Variants in CALN1 observed in about 807,000 individuals in gnomAD.
CALN1 encodes calneuron 1, also known as calcium-binding protein 8.
A neutral mutation model predicts 30.6 loss-of-function variants in CALN1; 17 were observed. The observed-to-expected ratio is 0.56, with a 90% CI of 0.38 to 0.83. The LOEUF (loss-of-function observed/expected upper bound fraction) is 0.83. Among genes scored for constraint, CALN1 ranks in the 40% least tolerant of loss-of-function variants. CALN1 has a pLI of 0.00. For synonymous variants in CALN1, 156 were observed against 131.4 expected (o/e 1.19, Z -1.28); for missense variants, 291 against 354.9 (o/e 0.82, Z 1.45).
chr7:72,119,518 A>AAAGG (rs1002390488), intron 3 of CALN1, among the ~76,000 whole-genome samples: 22 of 89,744 alleles, frequency 2.5e-4, no homozygotes, highest in Non-Finnish European at 4.6e-4. Context: ...AAAAGAAAGG[A>AAAGG]AAAAAAAAAA....
intron 3 of CALN1, among the ~76,000 whole-genome samples, chr7:72,116,771 A>G (rs1010959156): frequency 6.6e-6 from 1 of 152,160 alleles, no homozygotes; most frequent in Admixed American, 6.6e-5. Context: ...CCAGCTATTG[A>G]CCAAAGGAGC....
At position 72,241,428 on chromosome 7, in the gene CALN1, C is replaced by T. The variant is rs989878266; in HGVS notation, c.244+37258G>A. ...TTACTTAAACAAAAAAGGTTCAGAC[C>T]GGGTGCAGGGGCTCACACCTGTAAT... On this transcript the variant is annotated intron_variant, in intron 3 of 6. Transcript: ENST00000395275. Among the ~76,000 whole-genome samples, 7 of 152,046 alleles carry T rather than the reference C, an allele frequency of 4.6e-5. No homozygotes were observed. The South Asian group carries it at 6.2e-4, about 14-fold the overall frequency.
intron 2 of CALN1, among the ~76,000 whole-genome samples, chr7:72,295,283 G>A (rs1029051577): frequency 6.6e-6 from 1 of 151,958 alleles, no homozygotes; most frequent in Non-Finnish European, 1.5e-5. Flanking sequence ...TAATGAAAAT[G>A]GAAACAATAC....
At chr7:72,048,305 CT>C (rs1802611271) in intron 4 of CALN1, among the ~76,000 whole-genome samples, 1 of 152,140 alleles carries the variant, frequency 6.6e-6, no homozygotes. Flanking sequence ...TCCAAAAATG[CT>C]GGGATTACAG....
At chr7:71,880,371 T>C (rs184317846) in intron 5 of CALN1, among the ~76,000 whole-genome samples, 3 of 152,282 alleles carry the variant, frequency 2.0e-5, no homozygotes, top group Admixed American at 2.0e-4. Context: ...TCACTACCTC[T>C]TGCATGAACT....
intron 3 of CALN1, among the ~76,000 whole-genome samples, chr7:72,202,679 GT>G (rs1490369047): frequency 6.6e-6 from 1 of 152,184 alleles, no homozygotes. Flanking sequence ...ACACACTTGT[GT>G]AGTCTGACAT....
chr7:72,193,905 G>A (rs1030141262), intron 3 of CALN1, among the ~76,000 whole-genome samples: 17 of 152,250 alleles, frequency 1.1e-4, no homozygotes, highest in African/African-American at 4.1e-4. Context: ...TGAAAGCTAA[G>A]CTATGAGGAT....
At chr7:72,068,152 G>C (rs566994849) in intron 4 of CALN1, among the ~76,000 whole-genome samples, 18 of 152,150 alleles carry the variant, frequency 1.2e-4, no homozygotes, top group Non-Finnish European at 2.5e-4. Flanking sequence ...GGCAGGGTGA[G>C]GGGAGAGCAA....
At chr7:72,246,752 A>ATT (rs1795190943) in intron 3 of CALN1, among the ~76,000 whole-genome samples, 1 of 66,452 alleles carries the variant, frequency 1.5e-5, no homozygotes, top group African/African-American at 6.2e-5. Context: ...CTACCAGAAC[A>ATT]ATTTTTTTTT....
At chr7:71,829,326 AGCCACCAAAG>A (rs1258661282) in intron 5 of CALN1, among the ~76,000 whole-genome samples, 2 of 152,178 alleles carry the variant, frequency 1.3e-5, no homozygotes, top group Non-Finnish European at 2.9e-5. Flanking sequence ...TGTCACCAAA[AGCCACCAAAG>A]GGCATGGAAA....
intron 5 of CALN1, among the ~76,000 whole-genome samples, chr7:71,905,288 T>C (rs1794070060): frequency 6.6e-6 from 1 of 152,060 alleles, no homozygotes; most frequent in Non-Finnish European, 1.5e-5. Flanking sequence ...GGGGTACAAG[T>C]GGCTTTTTGT....
intron 3 of CALN1, among the ~76,000 whole-genome samples, chr7:72,213,773 G>A (rs1792577855): frequency 6.6e-6 from 1 of 152,186 alleles, no homozygotes; most frequent in Non-Finnish European, 1.5e-5. Context: ...CCAGTGCTGT[G>A]TGCTCCAAAC....
the CALN1 span, among the ~76,000 whole-genome samples, chr7:72,464,142 AAGAG>A: frequency 3.3e-4 from 50 of 152,110 alleles, no homozygotes; most frequent in Admixed American, 1.2e-3. Context: ...GAGAGAAAGA[AAGAG>A]AGAGACATTT....
chr7:72,240,323 T>C (rs1794746042), intron 3 of CALN1, among the ~76,000 whole-genome samples: 1 of 151,880 alleles, frequency 6.6e-6, no homozygotes, highest in African/African-American at 2.4e-5. Context: ...GCCTTCTGAG[T>C]ATCTGGGACT....
At chr7:72,294,868 A>T (rs1029868274) in intron 2 of CALN1, among the ~76,000 whole-genome samples, 1 of 152,136 alleles carries the variant, frequency 6.6e-6, no homozygotes, top group Non-Finnish European at 1.5e-5. Flanking sequence ...AACAAAAAGG[A>T]TATGAAGAAA....
intron 3 of CALN1, among the ~76,000 whole-genome samples, chr7:72,264,514 G>A (rs1002718880): frequency 1.4e-5 from 2 of 145,600 alleles, no homozygotes; most frequent in Non-Finnish European, 3.0e-5. Flanking sequence ...TTTTTTTTGA[G>A]ACAGGGTCTC....
At chr7:71,978,259 A>ATTATATTTT (rs1584662365) in intron 5 of CALN1, among the ~76,000 whole-genome samples, 1 of 115,614 alleles carries the variant, frequency 8.6e-6, no homozygotes, top group Non-Finnish European at 1.7e-5. Context: ...ACTCTAGAGA[A>ATTATATTTT]TTCTTTTTTT....
chr7:72,091,120 G>T (rs1403957623), intron 4 of CALN1, among the ~76,000 whole-genome samples: 1 of 152,184 alleles, frequency 6.6e-6, no homozygotes, highest in Non-Finnish European at 1.5e-5. Context: ...CCTGAGGTTT[G>T]GAATTTGAGG....
At chr7:72,295,904 A>C (rs1408704147) in intron 2 of CALN1, among the ~76,000 whole-genome samples, 1 of 151,698 alleles carries the variant, frequency 6.6e-6, no homozygotes, top group Non-Finnish European at 1.5e-5. Context: ...CACTATGTTG[A>C]ATAGGAGTGG....
Sources: allele counts gnomAD v4.1 joint callset (sites outside exome capture counted in the v4.1 genomes callset), GRCh38; gene constraint gnomAD v4.1.1; transcripts MANE v1.5; gene names NCBI Gene and HGNC (gene_info 2026-07-23, HGNC 2026-07-21).